Variants in CCSER2 observed in about 807,000 individuals in gnomAD.
CCSER2 encodes the protein serine-rich coiled-coil domain-containing protein 2.
In CCSER2, 46 loss-of-function variants were observed where a neutral mutation model predicts 92.3. The observed-to-expected ratio is 0.50, with a 90% CI of 0.39 to 0.64. The LOEUF is 0.64. CCSER2 is among the 30% of genes least tolerant of loss of function. The pLI is 0.00. For missense variants in CCSER2, 1,244 were observed against 1,238.9 expected (o/e 1.00, Z -0.06); for synonymous variants, 433 against 431.4 (o/e 1.00, Z -0.04).
chr10:84,491,427 G>C (rs1362545974), intron 9 of CCSER2, among the ~76,000 whole-genome samples: 1 of 152,132 alleles, frequency 6.6e-6, no homozygotes, highest in African/African-American at 2.4e-5. Context: ...ACCTACTCAA[G>C]CCTCAGCAAT....
chr10:84,488,359 C>A (rs546818041), intron 9 of CCSER2, among the ~76,000 whole-genome samples: 8 of 152,168 alleles, frequency 5.3e-5, no homozygotes, highest in African/African-American at 1.9e-4. Context: ...GGCTGTGAAT[C>A]CATCTGGTCC....
chr10:84,388,818 G>A (rs1170368794), intron 3 of CCSER2, among the ~76,000 whole-genome samples: 1 of 152,128 alleles, frequency 6.6e-6, no homozygotes, highest in Non-Finnish European at 1.5e-5. Flanking sequence ...TCTCCTATGA[G>A]AATCTATTGC....
chr10:84,382,575 A>G (rs925556566), intron 3 of CCSER2, among the ~76,000 whole-genome samples: 3 of 152,250 alleles, frequency 2.0e-5, no homozygotes, highest in Non-Finnish European at 4.4e-5. Flanking sequence ...CAGCAATGCT[A>G]GGACAATACA....
chr10:84,392,282 C>G (rs1158859064), intron 3 of CCSER2, among the ~76,000 whole-genome samples: 17 of 140,712 alleles, frequency 1.2e-4, no homozygotes, highest in African/African-American at 4.5e-4. Context: ...TGAAATATGT[C>G]TCCAGCTACA....
chr10:84,406,308 G>A (rs565153001), intron 3 of CCSER2, among the ~76,000 whole-genome samples: 1 of 152,294 alleles, frequency 6.6e-6, no homozygotes, highest in Admixed American at 6.5e-5. Context: ...GGACTTCTTC[G>A]AGGGTGAAGA....
At chr10:84,490,406 T>C (rs1468326093) in intron 9 of CCSER2, among the ~76,000 whole-genome samples, 1 of 152,230 alleles carries the variant, frequency 6.6e-6, no homozygotes, top group Non-Finnish European at 1.5e-5. Flanking sequence ...TCTTTTCACA[T>C]AGTCCCATAT....
At chr10:84,343,430 C>T (rs1431566764) in intron 1 of CCSER2, among the ~76,000 whole-genome samples, 3 of 152,098 alleles carry the variant, frequency 2.0e-5, no homozygotes, top group African/African-American at 4.8e-5. Flanking sequence ...TAAGAAGCCC[C>T]GTCAGTGTAA....
At chr10:84,359,209 C>T (rs1845364625) in intron 1 of CCSER2, among the ~76,000 whole-genome samples, 1 of 152,004 alleles carries the variant, frequency 6.6e-6, no homozygotes. Context: ...TCAGGCATTA[C>T]TGTATCAATA....
intron 9 of CCSER2, among the ~76,000 whole-genome samples, chr10:84,509,152 A>G (rs1027226071): frequency 1.3e-5 from 2 of 152,152 alleles, no homozygotes; most frequent in Non-Finnish European, 2.9e-5. Context: ...GGAGGGAACA[A>G]TTGTTTTTTC....
At chr10:84,485,917 C>A (rs538251423) in intron 9 of CCSER2, among the ~76,000 whole-genome samples, 1 of 152,146 alleles carries the variant, frequency 6.6e-6, no homozygotes, top group Non-Finnish European at 1.5e-5. Flanking sequence ...CAACAAGCCC[C>A]GGTGTGTGAT....
chr10:84,376,465 A>G (rs1441572801), intron 3 of CCSER2, among the ~76,000 whole-genome samples: 7 of 152,140 alleles, frequency 4.6e-5, no homozygotes, highest in Non-Finnish European at 7.4e-5. Flanking sequence ...TGAACTTTAT[A>G]TAAATGAAAT....
At chr10:84,366,568 G>A (rs1297679944) in intron 1 of CCSER2, among the ~76,000 whole-genome samples, 1 of 152,200 alleles carries the variant, frequency 6.6e-6, no homozygotes, top group Admixed American at 6.5e-5. Context: ...AACTGGAAAT[G>A]TTGGTGGATG....
In CCSER2 at chr10:84,503,653, A is replaced by G. The variant is rs535283430; in HGVS notation, c.2326-9796A>G. Among the ~76,000 whole-genome samples the G allele has an allele frequency of 7.2e-5, 11 of 152,358 alleles. No individual in the cohort carries two copies. The South Asian group carries it at 2.3e-3, about 32-fold the overall frequency. Reference sequence around the variant, plus strand: ...GACTTTTCAAAAAGTATGTTTCGAAATAATACCTATTTCTTACTGTGTCTA... The same window carrying G: ...GACTTTTCAAAAAGTATGTTTCGAAGTAATACCTATTTCTTACTGTGTCTA... On this transcript the variant is annotated intron_variant, in intron 9 of 9. Coordinates refer to ENST00000372088, the MANE Select transcript of CCSER2 (RefSeq NM_001284240.2).
chr10:84,343,062 C>G (rs765483103), intron 1 of CCSER2, among the ~76,000 whole-genome samples: 1 of 151,924 alleles, frequency 6.6e-6, no homozygotes, highest in Non-Finnish European at 1.5e-5. Flanking sequence ...TAGTAGAGTC[C>G]GGGGTTTACC....
At chr10:84,356,800 T>C (rs898827856) in intron 1 of CCSER2, among the ~76,000 whole-genome samples, 3 of 152,186 alleles carry the variant, frequency 2.0e-5, no homozygotes, top group Admixed American at 2.0e-4. Flanking sequence ...ACCAGTTCTA[T>C]AGGACCTCAG....
chr10:84,517,995 C>T lies in CCSER2; in HGVS notation c.*3728C>T, dbSNP rs778739410. 1.3e-5 allele frequency: 2 copies of T among 152,100 alleles called. No individual in the cohort carries two copies. Among genetic ancestry groups the T allele is most frequent in the Non-Finnish European group, 2.9e-5 (2 of 68,006 alleles). 9.4% of individuals were successfully genotyped at this position (152,100 alleles called of 1,614,324 possible). A position where few individuals can be genotyped will look rare whatever the true frequency, so the allele number is the denominator to read the frequency against. ...CCAGTAGTTTTTGTGTTTTTAAATT[C>T]GTTTGGGTGGTTATGTTTGCATGCT... On this transcript the variant is annotated 3_prime_UTR_variant, in exon 10 of 10. Transcript: ENST00000372088.
At chr10:84,493,330 T>C (rs989795106) in intron 9 of CCSER2, among the ~76,000 whole-genome samples, 6 of 152,218 alleles carry the variant, frequency 3.9e-5, no homozygotes, top group African/African-American at 1.4e-4. Context: ...TTTGGTAATT[T>C]ACCTTCTCTC....
Position 84,377,838 on chromosome 10 carries a change from CTG to C in CCSER2, c.1614+4025_1614+4026del, listed in dbSNP as rs200790406. On this transcript the variant is annotated intron_variant, in intron 3 of 9. Transcript: ENST00000372088. Reference sequence around the variant, plus strand: ...ATGTTATGCATGTTTGATTTTGACACTGTAAGTGGTACCATTTTTATAATTTT... The same window carrying C: ...ATGTTATGCATGTTTGATTTTGACACTAAGTGGTACCATTTTTATAATTTT... Among the ~76,000 whole-genome samples, 458 of 152,264 alleles carry C rather than the reference CTG, an allele frequency of 3.0e-3. 3 individuals carry two copies. Among genetic ancestry groups the C allele is most frequent in the African/African-American group, 0.01 (436 of 41,556 alleles).
At chr10:84,407,869 T>A (rs1466639814) in intron 3 of CCSER2, among the ~76,000 whole-genome samples, 1 of 152,102 alleles carries the variant, frequency 6.6e-6, no homozygotes, top group Non-Finnish European at 1.5e-5. Flanking sequence ...GTACCACACA[T>A]GTACCAAAAG....
Sources: gnomAD v4.1 joint callset for allele counts (sites outside exome capture counted in the v4.1 genomes callset) on GRCh38, gnomAD v4.1.1 for gene constraint, MANE v1.5 for transcripts, NCBI Gene and HGNC (gene_info 2026-07-23, HGNC 2026-07-21) for gene names.